The following RBBP6 variants were observed in gnomAD, a reference collection of about 807,000 sequenced individuals.
RBBP6 encodes E3 ubiquitin-protein ligase RBBP6.
Under a neutral mutation model 167.7 loss-of-function variants are expected in RBBP6, and 25 were observed. The ratio of observed to expected loss-of-function variants is 0.15; its 90% CI spans 0.11 to 0.21. The LOEUF is 0.21. Among genes scored for constraint, RBBP6 ranks in the 10% least tolerant of loss-of-function variants. The pLI is 1.00. For synonymous variants in RBBP6, 789 were observed against 735.8 expected (o/e 1.07, Z -1.17); for missense variants, 1,868 against 2,134.2 (o/e 0.88, Z 2.46).
intron 1 of RBBP6, 99 bp downstream of exon 1, chr16:24,540,891 G>A: frequency 7.0e-7 from 1 of 1,422,780 alleles, no homozygotes; most frequent in African/African-American, 1.4e-5. Context: ...CTCTAGTGGG[G>A]ACTGTTCGTT....
chr16:24,568,916 C>T lies in RBBP6; in HGVS notation c.2226C>T (p.Arg742=). The T allele has an allele frequency of 6.2e-7, 1 of 1,614,238 alleles. No individual in the cohort carries two copies. Among genetic ancestry groups the T allele is most frequent in the Non-Finnish European group, 8.5e-7 (1 of 1,180,044 alleles). ...PYPRRGRGKS[R]NYRSRSRSHG... Reference sequence around the variant, plus strand: ...CCAGAAGAGGCAGAGGCAAGAGCCGCAATTACCGTTCACGGTCTAGATCTC... The same window carrying T: ...CCAGAAGAGGCAGAGGCAAGAGCCGTAATTACCGTTCACGGTCTAGATCTC... The change falls in exon 17 of 18, where the codon CGC becomes CGT. Residue 742 remains arginine (R), a synonymous_variant. Coordinates refer to ENST00000319715, the MANE Select transcript of RBBP6 (RefSeq NM_006910.5).
intron 14 of RBBP6, 147 bp downstream of exon 14, chr16:24,565,012 C>G: frequency 7.7e-7 from 1 of 1,302,212 alleles, no homozygotes; most frequent in Non-Finnish European, 1.0e-6. Flanking sequence ...GGTAGTTGTC[C>G]TTAAAGAGGG....
intron 15 of RBBP6, 60 bp downstream of exon 15, chr16:24,567,565 A>C (rs1899225615): frequency 1.3e-6 from 2 of 1,507,934 alleles, no homozygotes; most frequent in Admixed American, 4.3e-5. Context: ...ATAACATTAA[A>C]TAGGTGTCTG....
rs377028995 is a variant in RBBP6, at chr16:24,558,024, T to C, written c.675-1481T>C. 5.9e-4 allele frequency among the ~76,000 whole-genome samples: 90 copies of C among 152,388 alleles called. 2 individuals carry two copies. The South Asian group carries it at 0.018, about 30-fold the overall frequency. ...TTCATCATTGAACAGTCTGTTGTTA[T>C]GCTGTTTCTAATTCAGAGACATTTC... is the stretch of plus-strand genomic sequence containing the variant. On this transcript the variant is annotated intron_variant, in intron 7 of 17. Transcript: ENST00000319715.
At chr16:24,563,120 T>C (rs1026454913) in intron 10 of RBBP6, 79 bp from the exon 11 acceptor site, 10 of 1,142,112 alleles carry the variant, frequency 8.8e-6, no homozygotes, top group African/African-American at 1.6e-5. Context: ...AGGTGATGGG[T>C]AAACAGCAGC....
rs138435497 is a variant in RBBP6 at position 24,572,158 on chromosome 16, G to A, written c.5092G>A (p.Val1698Ile). The A allele has an allele frequency of 1.3e-4, 208 of 1,613,686 alleles. 1 individual carries two copies. In the African/African-American group the frequency reaches 1.3e-3, roughly 10 times the overall value. Residue 1698 changes from valine (V) to isoleucine (I), a missense_variant, in exon 18 of 18, where the codon GTC becomes ATC. Transcript: ENST00000319715. ...SRNQSHSSPSVSPSRSHSPSG... is the reference protein window; with the variant it reads ...SRNQSHSSPSISPSRSHSPSG... ...GAATCAGAGCCACAGCAGCCCCAGC[G>A]TCAGCCCCAGCAGAAGCCACAGTCC...
rs1207821142 is a variant in RBBP6 at position 24,567,163 on chromosome 16, A to G, written c.1610A>G (p.His537Arg). The change falls in exon 15 of 18, where the codon CAC becomes CGC. Residue 537 changes from histidine (H) to arginine (R), a missense_variant. This residue lies in a region of RBBP6 where 145 missense variants were observed against 224.3 expected (regional missense o/e 0.65). Transcript: ENST00000319715. Reference sequence around the variant, plus strand: ...TCCAGAAGTATAAACCGTGGGCGACACCACAGCGAAAGATCACAGAGGACT... The same window carrying G: ...TCCAGAAGTATAAACCGTGGGCGACGCCACAGCGAAAGATCACAGAGGACT... ...SCYRSINRGR[H>R]HSERSQRTQG... 4 of 1,613,692 alleles carry G rather than the reference A, an allele frequency of 2.5e-6. No homozygotes were observed. In the African/African-American group the frequency reaches 4.0e-5, roughly 16 times the overall value.
At chr16:24,560,305 A>G (rs1176804770) in intron 8 of RBBP6, among the ~76,000 whole-genome samples, 2 of 151,942 alleles carry the variant, frequency 1.3e-5, no homozygotes, top group Non-Finnish European at 2.9e-5. Flanking sequence ...ACGGGGTTTC[A>G]CTGTGTTAGC....
chr16:24,546,360 T>C, intron 2 of RBBP6, 98 bp downstream of exon 2: 2 of 1,295,846 alleles, frequency 1.5e-6, no homozygotes, highest in Non-Finnish European at 9.9e-7. Context: ...CTCATTACTT[T>C]AACCTTAATG....
chr16:24,539,819 C>T lies in RBBP6; in HGVS notation c.-808C>T, dbSNP rs1596495475. 1.3e-5 allele frequency: 2 copies of T among 152,218 alleles called. No homozygotes were observed. The highest frequency in any genetic ancestry group is 2.9e-5 in the Non-Finnish European group (2 of 68,042). The allele number at this position is 152,218 out of a possible 1,614,324, so 9.4% of individuals were successfully genotyped here. On this transcript the variant is annotated 5_prime_UTR_variant, in exon 1 of 18. Coordinates refer to ENST00000319715, the MANE Select transcript of RBBP6 (RefSeq NM_006910.5). The stretch of plus-strand genomic sequence containing the variant: ...CGTCAGGGAGCCTCGGCGGTGTCCC[C>T]GGGGTCCGCCGAAGCCACCCGGCCG...
At chr16:24,547,062 A>G (rs923038997) in intron 2 of RBBP6, among the ~76,000 whole-genome samples, 1 of 152,230 alleles carries the variant, frequency 6.6e-6, no homozygotes, top group Non-Finnish European at 1.5e-5. Flanking sequence ...GGGCAGCAAC[A>G]TAGGTTATTT....
At chr16:24,562,196 A>T in intron 10 of RBBP6, 35 bp downstream of exon 10, 1 of 1,517,948 alleles carries the variant, frequency 6.6e-7, no homozygotes, top group Non-Finnish European at 9.1e-7. Flanking sequence ...TAGAAACCAA[A>T]TGAGGTCAAT....
chr16:24,567,603 T>C, intron 15 of RBBP6, 98 bp downstream of exon 15: 1 of 1,401,780 alleles, frequency 7.1e-7, no homozygotes, highest in African/African-American at 1.5e-5. Context: ...TTCCAGTTAG[T>C]ATGAGAAATT....
chr16:24,545,826 C>T (rs1009346143), intron 1 of RBBP6, among the ~76,000 whole-genome samples: 1 of 152,230 alleles, frequency 6.6e-6, no homozygotes, highest in African/African-American at 2.4e-5. Context: ...CTAGGAGAGA[C>T]AGAATATCTT....
chr16:24,565,191 C>A (rs1047949821), intron 14 of RBBP6, among the ~76,000 whole-genome samples: 2 of 152,110 alleles, frequency 1.3e-5, no homozygotes, highest in Non-Finnish European at 2.9e-5. Flanking sequence ...ATCTAAGATA[C>A]CAGTTTAATT....
intron 3 of RBBP6, among the ~76,000 whole-genome samples, chr16:24,550,377 T>TTG (rs746895091): frequency 2.6e-4 from 40 of 151,006 alleles, no homozygotes; most frequent in East Asian, 1.7e-3. Flanking sequence ...TTTTGTTTTT[T>TTG]TTTTTTAAGC....
At chr16:24,561,779 A>AT (rs1365230039) in intron 9 of RBBP6, 45 bp from the exon 10 acceptor site, 1 of 1,605,930 alleles carries the variant, frequency 6.2e-7, no homozygotes. Flanking sequence ...ACTTCAGTGA[A>AT]TACTGCATAA....
chr16:24,559,728 A>C (rs765391137), intron 8 of RBBP6, 51 bp downstream of exon 8: 1 of 1,434,374 alleles, frequency 7.0e-7, no homozygotes, highest in East Asian at 2.5e-5. Context: ...ATTTGTATTT[A>C]CTTGGAATGG....
intron 7 of RBBP6, among the ~76,000 whole-genome samples, chr16:24,558,116 G>A (rs929250212): frequency 1.3e-5 from 2 of 152,146 alleles, no homozygotes; most frequent in Admixed American, 6.5e-5. Context: ...AGAGCAGACC[G>A]CTTCATCTAT....
Sources: gnomAD v4.1 joint callset for allele counts (sites outside exome capture counted in the v4.1 genomes callset) on GRCh38, gnomAD v4.1.1 for gene constraint, gnomAD v4.1.1 regional missense constraint, MANE v1.5 for transcripts, NCBI Gene and HGNC (gene_info 2026-07-23, HGNC 2026-07-21) for gene names.